The following CCSER1 variants were observed in gnomAD, a reference collection of about 807,000 sequenced individuals.
CCSER1 encodes serine-rich coiled-coil domain-containing protein 1.
Under a neutral mutation model 82.0 loss-of-function variants are expected in CCSER1, and 41 were observed. That is an observed-to-expected ratio of 0.50 (90% CI 0.39 to 0.65). CCSER1 has a LOEUF of 0.65. CCSER1 is among the 30% of genes least tolerant of loss of function. The probability of loss-of-function intolerance (pLI) is 0.00; values close to 1 mark genes in which losing one functional copy is unlikely to be tolerated. For synonymous variants in CCSER1, 414 were observed against 383.9 expected (o/e 1.08, Z -0.92); for missense variants, 1,119 against 1,064.2 (o/e 1.05, Z -0.72).
intron 6 of CCSER1, among the ~76,000 whole-genome samples, chr4:90,658,132 A>C (rs977230941): frequency 6.6e-6 from 1 of 150,862 alleles, no homozygotes; most frequent in African/African-American, 2.4e-5. Flanking sequence ...CAACAAAAAA[A>C]CTCTCTATGT....
intron 8 of CCSER1, among the ~76,000 whole-genome samples, chr4:90,904,604 T>C (rs946408051): frequency 3.9e-5 from 6 of 152,146 alleles, no homozygotes; most frequent in Middle Eastern, 3.2e-3. Context: ...ATTAGCCATG[T>C]GTCATGAGTG....
At chr4:91,119,260 T>A (rs1726886485) in intron 10 of CCSER1, among the ~76,000 whole-genome samples, 1 of 152,154 alleles carries the variant, frequency 6.6e-6, no homozygotes, top group African/African-American at 2.4e-5. Context: ...TCTTTCAATC[T>A]TCTTTTAGCC....
intron 1 of CCSER1, among the ~76,000 whole-genome samples, chr4:90,172,846 G>T (rs537754800): frequency 1.3e-5 from 2 of 151,854 alleles, no homozygotes; most frequent in South Asian, 4.1e-4. Flanking sequence ...GGTATGGCTG[G>T]AGTTAGGTAG....
At chr4:90,909,809 G>A (rs2150185068) in intron 8 of CCSER1, among the ~76,000 whole-genome samples, 1 of 152,244 alleles carries the variant, frequency 6.6e-6, no homozygotes, top group East Asian at 1.9e-4. Flanking sequence ...TCCATTATTA[G>A]TGAAACTTTG....
chr4:90,421,341 C>T (rs1009892216), intron 4 of CCSER1, among the ~76,000 whole-genome samples: 1 of 152,172 alleles, frequency 6.6e-6, no homozygotes, highest in African/African-American at 2.4e-5. Flanking sequence ...ATCAAGACCA[C>T]ATTTTCTGTA....
chr4:90,377,462 A>G (rs908390905), intron 3 of CCSER1, among the ~76,000 whole-genome samples: 3 of 152,178 alleles, frequency 2.0e-5, no homozygotes, highest in African/African-American at 7.2e-5. Flanking sequence ...AACTGTATGT[A>G]ATATGTGCAG....
chr4:91,514,535 G>A (rs1351529650), intron 10 of CCSER1, among the ~76,000 whole-genome samples: 2 of 152,158 alleles, frequency 1.3e-5, no homozygotes, highest in African/African-American at 2.4e-5. Flanking sequence ...TCTGTCTAAT[G>A]CTGTCAGTGG....
intron 4 of CCSER1, among the ~76,000 whole-genome samples, chr4:90,409,462 T>A (rs1397285078): frequency 6.6e-6 from 1 of 151,820 alleles, no homozygotes; most frequent in Non-Finnish European, 1.5e-5. Context: ...CAGAAGAGAG[T>A]GGGGGCCAAT....
chr4:90,620,241 C>G (rs1722058201), intron 5 of CCSER1, among the ~76,000 whole-genome samples: 1 of 150,706 alleles, frequency 6.6e-6, no homozygotes, highest in African/African-American at 2.4e-5. Context: ...TAGATAAATA[C>G]AAGTGTATTT....
intron 1 of CCSER1, among the ~76,000 whole-genome samples, chr4:90,254,429 G>A (rs1006552780): frequency 4.6e-5 from 7 of 152,082 alleles, no homozygotes; most frequent in Admixed American, 6.6e-5. Context: ...AACCTCCACC[G>A]TAAACTTGCT....
At chr4:90,760,308 A>G (rs1162984608) in intron 7 of CCSER1, among the ~76,000 whole-genome samples, 2 of 151,960 alleles carry the variant, frequency 1.3e-5, no homozygotes, top group Admixed American at 6.6e-5. Context: ...TAATGACACT[A>G]TTAATATCTT....
chr4:90,861,075 G>C (rs1283413812), intron 8 of CCSER1, among the ~76,000 whole-genome samples: 3 of 151,672 alleles, frequency 2.0e-5, no homozygotes, highest in Non-Finnish European at 4.4e-5. Context: ...AGTAAGTATT[G>C]ATGAATTAGG....
intron 6 of CCSER1, among the ~76,000 whole-genome samples, chr4:90,714,950 G>GGTGATGCA (rs1741352614): frequency 8.8e-6 from 1 of 114,230 alleles, no homozygotes; most frequent in Non-Finnish European, 2.2e-5. Context: ...TAGTCATTGT[G>GGTGATGCA]GTGATGCTCT....
chr4:91,381,647 A>G (rs979674705), intron 10 of CCSER1, among the ~76,000 whole-genome samples: 18 of 152,090 alleles, frequency 1.2e-4, no homozygotes, highest in Non-Finnish European at 2.4e-4. Flanking sequence ...CCATTCGTCT[A>G]ATCTTTTTTC....
At chr4:90,886,083 G>A (rs1722079917) in intron 8 of CCSER1, among the ~76,000 whole-genome samples, 1 of 152,080 alleles carries the variant, frequency 6.6e-6, no homozygotes. Flanking sequence ...AGTCTTCCTA[G>A]TCAGATGATC....
At chr4:90,189,532 GTA>G (rs1228154754) in intron 1 of CCSER1, among the ~76,000 whole-genome samples, 1 of 151,570 alleles carries the variant, frequency 6.6e-6, no homozygotes, top group African/African-American at 2.4e-5. Context: ...GTGTATGTAT[GTA>G]TATATATAGA....
intron 6 of CCSER1, among the ~76,000 whole-genome samples, chr4:90,715,863 T>G (rs17183835): frequency 0.21 from 31,138 of 151,854 alleles, 3,536 homozygotes; most frequent in Middle Eastern, 0.27. Context: ...ATATATCTTA[T>G]AGGTAAATTT....
intron 5 of CCSER1, among the ~76,000 whole-genome samples, chr4:90,568,415 T>G (rs1074525): frequency 1.3e-5 from 2 of 151,996 alleles, no homozygotes; most frequent in African/African-American, 4.8e-5. Flanking sequence ...GATATAATGA[T>G]GTTCTTGTCT....
intron 8 of CCSER1, among the ~76,000 whole-genome samples, chr4:90,884,332 C>T (rs1561302679): frequency 6.6e-6 from 1 of 151,776 alleles, no homozygotes; most frequent in Admixed American, 6.6e-5. Context: ...TAAAAGTAGC[C>T]CCATTTAGGG....
Sources: gnomAD v4.1 joint callset for allele counts (sites outside exome capture counted in the v4.1 genomes callset) on GRCh38, gnomAD v4.1.1 for gene constraint, MANE v1.5 for transcripts, NCBI Gene and HGNC (gene_info 2026-07-23, HGNC 2026-07-21) for gene names.